OPA1: variants seen among roughly 807,000 people sequenced by gnomAD.
The protein encoded by OPA1 is OPA1 mitochondrial dynamin like GTPase, also known as dynamin-like GTPase OPA1, mitochondrial.
A neutral mutation model predicts 152.9 loss-of-function variants in OPA1; 59 were observed. The ratio of observed to expected loss-of-function variants is 0.39; its 90% confidence interval spans 0.31 to 0.48. The LOEUF (loss-of-function observed/expected upper bound fraction) is 0.48. OPA1 is among the 20% of genes least tolerant of loss of function. The pLI, the probability that OPA1 is intolerant of heterozygous loss-of-function variation, is 0.96. For missense variants in OPA1, 1,008 were observed against 1,216.8 expected, an observed-to-expected ratio of 0.83 and a Z score of 2.55; for synonymous variants, 400 against 389.9, an observed-to-expected ratio of 1.03 and a Z score of -0.31.
intron 1 of OPA1, among the ~76,000 whole-genome samples, chr3:193,614,315 A>C (rs1728696786): frequency 6.6e-6 from 1 of 152,234 alleles, no homozygotes; most frequent in Non-Finnish European, 1.5e-5. Context: ...GTAGTTAATA[A>C]AATAAGTCCC....
chr3:193,635,600 A>G, intron 9 of OPA1, 78 bp downstream of exon 9: 2 of 838,852 alleles, frequency 2.4e-6, no homozygotes, highest in Non-Finnish European at 4.2e-6. Flanking sequence ...GTTTCTAAGG[A>G]GCTGTAAAGT....
chr3:193,637,324 A>T (rs1733108665), intron 10 of OPA1, 43 bp downstream of exon 10: 1 of 1,256,090 alleles, frequency 8.0e-7, no homozygotes, highest in Non-Finnish European at 1.2e-6. Flanking sequence ...TAGCAAAAAA[A>T]GAAGCAGCTT....
At chr3:193,660,811 T>A (rs1345297058) in intron 25 of OPA1, among the ~76,000 whole-genome samples, 1 of 152,132 alleles carries the variant, frequency 6.6e-6, no homozygotes, top group Non-Finnish European at 1.5e-5. Context: ...CAGGGTGCGT[T>A]GGTTATCTCT....
intron 29 of OPA1, among the ~76,000 whole-genome samples, chr3:193,676,816 T>TA (rs1264449954): frequency 1.3e-5 from 2 of 151,950 alleles, no homozygotes; most frequent in African/African-American, 4.8e-5. Context: ...CCGTCTCTAC[T>TA]AAAAATACAA....
chr3:193,613,290 C>T (rs563505537), intron 1 of OPA1, among the ~76,000 whole-genome samples: 1 of 152,034 alleles, frequency 6.6e-6, no homozygotes, highest in Admixed American at 6.6e-5. Context: ...TATGGTTTGT[C>T]CACAAGAACA....
At chr3:193,652,498 A>G (rs1196341157) in intron 21 of OPA1, among the ~76,000 whole-genome samples, 2 of 152,180 alleles carry the variant, frequency 1.3e-5, no homozygotes, top group East Asian at 3.9e-4. Context: ...TTCACAGTGT[A>G]ATGGTTTTTA....
chr3:193,642,073 G>A (rs1733860254), intron 11 of OPA1, among the ~76,000 whole-genome samples: 1 of 152,210 alleles, frequency 6.6e-6, no homozygotes, highest in South Asian at 2.1e-4. Context: ...CCGAGATCAT[G>A]CCACTGCACT....
intron 1 of OPA1, among the ~76,000 whole-genome samples, chr3:193,608,515 G>C (rs1354385713): frequency 1.1e-4 from 17 of 152,194 alleles, no homozygotes; most frequent in Admixed American, 1.1e-3. Flanking sequence ...GAGCAGTTTT[G>C]AGTGAGTTTC....
At chr3:193,664,405 T>C (rs1370903729) in intron 26 of OPA1, among the ~76,000 whole-genome samples, 3 of 151,904 alleles carry the variant, frequency 2.0e-5, no homozygotes, top group African/African-American at 7.3e-5. Flanking sequence ...ACTCAGAGTA[T>C]CTAGTAATAA....
chr3:193,635,323 A>G (rs1577221313), intron 8 of OPA1, 95 bp from the exon 9 acceptor site: 5 of 737,090 alleles, frequency 6.8e-6, no homozygotes, highest in South Asian at 6.3e-5. Context: ...AATAGGAGAT[A>G]TGACTTCAAG....
rs557460296 is a variant in OPA1 at position 193,616,124 on chromosome 3, G to A, written c.448+354G>A. Among the ~76,000 whole-genome samples, 47 of 152,254 alleles carry A rather than the reference G, an allele frequency of 3.1e-4. No homozygotes were observed. The South Asian group carries it at 8.9e-3, about 29-fold the overall frequency. On this transcript the variant is annotated intron_variant, in intron 3 of 30. Transcript: ENST00000361510. Reference sequence around the variant, plus strand: ...CTGAACTGGCTAAAGTAGTCCTTCCGACTCTGCCTCCCAAGTAGCCGGGAC... The same window carrying A: ...CTGAACTGGCTAAAGTAGTCCTTCCAACTCTGCCTCCCAAGTAGCCGGGAC...
At chr3:193,620,618 C>T (rs951042145) in intron 6 of OPA1, among the ~76,000 whole-genome samples, 7 of 112,556 alleles carry the variant, frequency 6.2e-5, no homozygotes, top group African/African-American at 2.5e-4. Flanking sequence ...TAAAGACTTA[C>T]CAATTTTTTT....
chr3:193,665,298 T>C (rs1716277647), intron 27 of OPA1, among the ~76,000 whole-genome samples: 1 of 152,090 alleles, frequency 6.6e-6, no homozygotes, highest in South Asian at 2.1e-4. Context: ...CCTTATTCCC[T>C]GACCTGTAAG....
intron 29 of OPA1, among the ~76,000 whole-genome samples, chr3:193,675,359 C>T (rs1718771687): frequency 7.1e-6 from 1 of 140,942 alleles, no homozygotes; most frequent in African/African-American, 2.7e-5. Context: ...AACACCCAAT[C>T]AAGAAGAATA....
chr3:193,599,321 A>G (rs945861636), intron 1 of OPA1, among the ~76,000 whole-genome samples: 7 of 151,168 alleles, frequency 4.6e-5, no homozygotes, highest in East Asian at 1.9e-4. Flanking sequence ...TACTCCTCCT[A>G]TGAGCCTTCT....
chr3:193,670,821 A>AG (rs1482439305), intron 29 of OPA1, among the ~76,000 whole-genome samples: 2 of 152,236 alleles, frequency 1.3e-5, no homozygotes, highest in Non-Finnish European at 2.9e-5. Context: ...ATTTTGTCTC[A>AG]GGAGAGGCTC....
At chr3:193,653,617 A>G (rs542298927) in intron 21 of OPA1, among the ~76,000 whole-genome samples, 2 of 152,266 alleles carry the variant, frequency 1.3e-5, no homozygotes, top group East Asian at 3.9e-4. Flanking sequence ...TTTCAACATG[A>G]TTATGCATCT....
At chr3:193,599,379 C>T (rs900486183) in intron 1 of OPA1, among the ~76,000 whole-genome samples, 1 of 151,814 alleles carries the variant, frequency 6.6e-6, no homozygotes, top group Non-Finnish European at 1.5e-5. Flanking sequence ...CAGCTCTGCA[C>T]CCTTCTTTCT....
At chr3:193,689,998 CT>C (rs1049369472) in intron 29 of OPA1, among the ~76,000 whole-genome samples, 10 of 148,920 alleles carry the variant, frequency 6.7e-5, no homozygotes, top group Non-Finnish European at 1.2e-4. Context: ...TGATGTGAAA[CT>C]TTCTTACATT....
Sources: allele counts gnomAD v4.1 joint callset (sites outside exome capture counted in the v4.1 genomes callset), GRCh38; gene constraint gnomAD v4.1.1; transcripts MANE v1.5; gene names NCBI Gene and HGNC (gene_info 2026-07-23, HGNC 2026-07-21).